Variants in LRBA observed in about 807,000 individuals in gnomAD.
The protein encoded by LRBA is lipopolysaccharide-responsive and beige-like anchor protein.
In LRBA, 176 loss-of-function variants were observed where a neutral mutation model predicts 330.0. That is an observed-to-expected ratio of 0.53 (90% confidence interval 0.47 to 0.60). The LOEUF (loss-of-function observed/expected upper bound fraction) is 0.60. Among genes scored for constraint, LRBA ranks in the 20% least tolerant of loss-of-function variants. The pLI is 0.00. For missense variants in LRBA, 3,259 were observed against 3,444.8 expected, an observed-to-expected ratio of 0.95 and a Z score of 1.35; for synonymous variants, 1,230 against 1,193.0, an observed-to-expected ratio of 1.03 and a Z score of -0.64.
intron 2 of LRBA, among the ~76,000 whole-genome samples, chr4:150,977,161 A>T (rs1350177562): frequency 6.6e-6 from 1 of 152,024 alleles, no homozygotes; most frequent in Non-Finnish European, 1.5e-5. Context: ...TACTTGCGCC[A>T]CTCCTCTCCA....
intron 34 of LRBA, among the ~76,000 whole-genome samples, chr4:150,782,922 GAA>G (rs36030310): frequency 6.6e-6 from 1 of 151,712 alleles, no homozygotes; most frequent in Non-Finnish European, 1.5e-5. Flanking sequence ...GCAAGAACTG[GAA>G]AAAAAAATTA....
intron 37 of LRBA, among the ~76,000 whole-genome samples, chr4:150,665,330 T>C (rs1171877419): frequency 6.6e-6 from 1 of 152,178 alleles, no homozygotes; most frequent in Non-Finnish European, 1.5e-5. Context: ...GGACAAACAG[T>C]CTAAGCACAG....
chr4:150,882,288 T>C (rs1728482204), intron 17 of LRBA, among the ~76,000 whole-genome samples: 1 of 152,242 alleles, frequency 6.6e-6, no homozygotes, highest in South Asian at 2.1e-4. Context: ...CTAGTTTATC[T>C]GCTAAACATC....
At chr4:150,376,103 T>C (rs778987511) in intron 47 of LRBA, among the ~76,000 whole-genome samples, 6 of 152,198 alleles carry the variant, frequency 3.9e-5, no homozygotes, top group Non-Finnish European at 7.3e-5. Flanking sequence ...TAGAAAGATA[T>C]GCCTACCTAT....
chr4:150,332,433 G>C (rs1456577546), intron 48 of LRBA, among the ~76,000 whole-genome samples: 1 of 151,944 alleles, frequency 6.6e-6, no homozygotes, highest in East Asian at 1.9e-4. Flanking sequence ...TCTAATTACT[G>C]GTTTAATTTT....
intron 51 of LRBA, among the ~76,000 whole-genome samples, chr4:150,312,829 GAAAC>G (rs1731235675): frequency 6.6e-6 from 1 of 152,050 alleles, no homozygotes; most frequent in South Asian, 2.1e-4. Flanking sequence ...TGGTACAGTT[GAAAC>G]AAAGCTCTTT....
chr4:150,435,666 A>T lies in LRBA; in HGVS notation c.6964T>A (p.Phe2322Ile). ...TYFLNLQGGK[F>I]DHADRTFSSI... ...GAAAAAGTTCGATCTGCATGATCAA[A>T]TTTGCCTCCTTGCAAATTTAGGAAA... Residue 2322 changes from phenylalanine to isoleucine, a missense_variant, in exon 46 of 57, where the codon TTT (phenylalanine) becomes ATT (isoleucine). Transcript: ENST00000651943. 6.2e-7 allele frequency: 1 copy of T among 1,612,506 alleles called. No individual in the cohort carries two copies. The highest frequency in any genetic ancestry group is 8.5e-7 in the Non-Finnish European group (1 of 1,179,422).
At chr4:150,991,580 A>G (rs1247388791) in intron 2 of LRBA, among the ~76,000 whole-genome samples, 1 of 152,238 alleles carries the variant, frequency 6.6e-6, no homozygotes, top group Non-Finnish European at 1.5e-5. Flanking sequence ...TTGCTACATG[A>G]TTCCATTTTT....
chr4:150,648,802 G>C (rs1779443658), intron 37 of LRBA, among the ~76,000 whole-genome samples: 2 of 152,108 alleles, frequency 1.3e-5, no homozygotes, highest in African/African-American at 4.8e-5. Flanking sequence ...TTTTTTCAGA[G>C]ATGAGTTCTG....
chr4:150,421,962 A>G (rs1246350287), intron 46 of LRBA, among the ~76,000 whole-genome samples: 2 of 152,216 alleles, frequency 1.3e-5, no homozygotes, highest in African/African-American at 2.4e-5. Context: ...GAACAAAAAC[A>G]AAACACAGGA....
At chr4:150,330,407 T>G (rs539909372) in intron 48 of LRBA, among the ~76,000 whole-genome samples, 1 of 152,178 alleles carries the variant, frequency 6.6e-6, no homozygotes, top group African/African-American at 2.4e-5. Flanking sequence ...TGTAATGTTA[T>G]TTATGTCTGT....
intron 35 of LRBA, among the ~76,000 whole-genome samples, chr4:150,741,528 T>A (rs1226019084): frequency 6.6e-6 from 1 of 152,166 alleles, no homozygotes; most frequent in Non-Finnish European, 1.5e-5. Flanking sequence ...AGATGTGAAG[T>A]AACAGGGACT....
chr4:150,574,110 T>A (rs190906665), intron 40 of LRBA, among the ~76,000 whole-genome samples: 57 of 152,228 alleles, frequency 3.7e-4, no homozygotes, highest in South Asian at 3.1e-3. Flanking sequence ...ATATATTATT[T>A]TTCTATATAC....
intron 37 of LRBA, among the ~76,000 whole-genome samples, chr4:150,651,334 C>T (rs181374169): frequency 9.2e-5 from 14 of 152,250 alleles, no homozygotes; most frequent in African/African-American, 3.4e-4. Flanking sequence ...CACGGTGACA[C>T]GGCTATCCTG....
At chr4:150,555,600 A>C (rs138522947) in intron 40 of LRBA, among the ~76,000 whole-genome samples, 4,102 of 151,982 alleles carry the variant, frequency 0.027, 175 homozygotes, top group African/African-American at 0.093. Flanking sequence ...AATACAAAAA[A>C]ATTAGCTGGG....
chr4:150,848,920 G>A lies in LRBA; in HGVS notation c.4237C>T (p.Leu1413Phe). The A allele has an allele frequency of 4.3e-6, 7 of 1,612,540 alleles. No individual in the cohort carries two copies. Among genetic ancestry groups the A allele is most frequent in the Non-Finnish European group, 5.9e-6 (7 of 1,179,068 alleles). ...CTTGCAAATATAAGCACATCCACAA[G>A]GCTAATTAGCCTCTGCAAAAATGTC... ...SVTFLQRLIS[L>F]VDVLIFASSL... Residue 1413 changes from leucine to phenylalanine, a missense_variant, in exon 26 of 57, where the codon CTT becomes TTT. By Grantham distance (22) the Leu-to-Phe change is conservative (BLOSUM62 0). Transcript: ENST00000651943.
At chr4:150,949,536 G>A (rs557623701) in intron 2 of LRBA, among the ~76,000 whole-genome samples, 25 of 151,942 alleles carry the variant, frequency 1.6e-4, no homozygotes, top group Non-Finnish European at 2.4e-4. Context: ...GGGGGAAACC[G>A]GATAAAGAGT....
intron 40 of LRBA, among the ~76,000 whole-genome samples, chr4:150,510,464 T>G (rs1280512510): frequency 6.6e-6 from 1 of 152,242 alleles, no homozygotes; most frequent in African/African-American, 2.4e-5. Context: ...TTCTCTGTCT[T>G]GAGACTTACT....
chr4:150,793,334 A>T (rs983783227), intron 34 of LRBA, among the ~76,000 whole-genome samples: 1 of 152,152 alleles, frequency 6.6e-6, no homozygotes, highest in African/African-American at 2.4e-5. Flanking sequence ...TTAAGTCACA[A>T]GAAAATGAAA....
Sources: allele counts gnomAD v4.1 joint callset (sites outside exome capture counted in the v4.1 genomes callset), GRCh38; gene constraint gnomAD v4.1.1; transcripts MANE v1.5; gene names NCBI Gene and HGNC (gene_info 2026-07-23, HGNC 2026-07-21).